Variants in LRRC37A2 observed in about 807,000 individuals in gnomAD.
LRRC37A2 encodes the protein leucine-rich repeat-containing protein 37A2.
A neutral mutation model predicts 68.8 loss-of-function variants in LRRC37A2; 9 were observed. The observed-to-expected ratio is 0.13, with a 90% CI of 0.08 to 0.23. The LOEUF is 0.23. LRRC37A2 is among the 10% of genes least tolerant of loss of function. The pLI is 1.00. For missense variants in LRRC37A2, 168 were observed against 950.4 expected (o/e 0.18, Z 10.82); for synonymous variants, 63 against 367.6 (o/e 0.17, Z 9.48).
At chr17:46,710,881 T>C in the LRRC37A2 span, 1 of 1,217,200 alleles carries the variant, frequency 8.2e-7, no homozygotes, top group Non-Finnish European at 1.1e-6. Flanking sequence ...ACCTTTAGCA[T>C]GTACGGATTA....
the LRRC37A2 span, chr17:46,979,284 C>A: frequency 7.2e-6 from 2 of 277,520 alleles, no homozygotes; most frequent in Non-Finnish European, 7.0e-6. Flanking sequence ...GTTCCTCGCG[C>A]GCCTGGCCGC....
chr17:46,742,484 A>G, the LRRC37A2 span, among the ~76,000 whole-genome samples: 1 of 152,262 alleles, frequency 6.6e-6, no homozygotes, highest in Non-Finnish European at 1.5e-5. Flanking sequence ...GTCCTGATGA[A>G]GGAGAACTAG....
chr17:46,801,862 T>C, the LRRC37A2 span, among the ~76,000 whole-genome samples: 4 of 152,174 alleles, frequency 2.6e-5, no homozygotes, highest in African/African-American at 7.2e-5. Flanking sequence ...TTCCCGATGC[T>C]GTGCCAGTTC....
the LRRC37A2 span, among the ~76,000 whole-genome samples, chr17:46,977,121 C>T: frequency 6.6e-6 from 1 of 152,146 alleles, no homozygotes; most frequent in South Asian, 2.1e-4. Flanking sequence ...TAGCCAGGGA[C>T]CATCTGTGCC....
At chr17:46,895,308 C>T in the LRRC37A2 span, among the ~76,000 whole-genome samples, 1 of 152,222 alleles carries the variant, frequency 6.6e-6, no homozygotes, top group Non-Finnish European at 1.5e-5. Context: ...TTATGAAGTG[C>T]TTCCAGTTCT....
At chr17:46,881,179 C>G in the LRRC37A2 span, among the ~76,000 whole-genome samples, 4 of 152,216 alleles carry the variant, frequency 2.6e-5, no homozygotes, top group Admixed American at 2.0e-4. Flanking sequence ...CTGCCCTGCC[C>G]CAGTTCTTCA....
At chr17:46,834,923 T>C in the LRRC37A2 span, among the ~76,000 whole-genome samples, 1 of 152,188 alleles carries the variant, frequency 6.6e-6, no homozygotes, top group Non-Finnish European at 1.5e-5. Context: ...CACCTGTCAG[T>C]GTTCCTCCCC....
chr17:46,541,871 T>C (rs1359149822), intron 8 of LRRC37A2, among the ~76,000 whole-genome samples: 1 of 150,270 alleles, frequency 6.7e-6, no homozygotes, highest in East Asian at 1.9e-4. Flanking sequence ...CAGGGGGTCC[T>C]GGAGCCAATC....
the LRRC37A2 span, among the ~76,000 whole-genome samples, chr17:46,792,272 G>A: frequency 2.3e-3 from 357 of 152,284 alleles, 1 homozygote; most frequent in African/African-American, 7.9e-3. Context: ...TGACGTCATG[G>A]AGCACCTTTT....
chr17:46,717,963 C>T, the LRRC37A2 span, among the ~76,000 whole-genome samples: 1 of 152,206 alleles, frequency 6.6e-6, no homozygotes, highest in African/African-American at 2.4e-5. Flanking sequence ...GCTGGGAGAA[C>T]ATCCATTGCC....
At chr17:46,951,896 C>A in the LRRC37A2 span, among the ~76,000 whole-genome samples, 31 of 152,134 alleles carry the variant, frequency 2.0e-4, no homozygotes, top group African/African-American at 2.4e-5. Flanking sequence ...CTTCTCCCCC[C>A]CAGACATCAC....
At chr17:46,970,777 G>T in the LRRC37A2 span, among the ~76,000 whole-genome samples, 1 of 152,232 alleles carries the variant, frequency 6.6e-6, no homozygotes, top group African/African-American at 2.4e-5. Context: ...ACAAGCCTGA[G>T]AAGGATGGCT....
the LRRC37A2 span, among the ~76,000 whole-genome samples, chr17:46,472,951 G>T: frequency 8.9e-5 from 6 of 67,354 alleles, no homozygotes. Flanking sequence ...TATTGTATAG[G>T]GATGGGAAAG....
At chr17:46,390,322 G>A in the LRRC37A2 span, among the ~76,000 whole-genome samples, 10 of 87,020 alleles carry the variant, frequency 1.1e-4, 3 homozygotes, top group African/African-American at 3.3e-4. Context: ...TGGGGGCAGT[G>A]GGGAGTGCAC....
the LRRC37A2 span, among the ~76,000 whole-genome samples, chr17:46,845,037 T>TG: frequency 2.6e-5 from 4 of 152,226 alleles, no homozygotes; most frequent in East Asian, 7.7e-4. Flanking sequence ...TTAGTAGAGA[T>TG]GGGGTTTCAC....
the LRRC37A2 span, among the ~76,000 whole-genome samples, chr17:46,767,305 G>A: frequency 5.3e-5 from 8 of 152,106 alleles, no homozygotes; most frequent in Non-Finnish European, 1.0e-4. Context: ...CCTGCTCCCC[G>A]TCATCATCCA....
At chr17:46,908,137 C>T in the LRRC37A2 span, among the ~76,000 whole-genome samples, 1 of 152,204 alleles carries the variant, frequency 6.6e-6, no homozygotes, top group Non-Finnish European at 1.5e-5. Flanking sequence ...TTTGACGCTT[C>T]ATGATAGATG....
At chr17:47,023,165 C>T in the LRRC37A2 span, among the ~76,000 whole-genome samples, 8 of 152,188 alleles carry the variant, frequency 5.3e-5, no homozygotes, top group Non-Finnish European at 7.3e-5. Context: ...TATCTTTATA[C>T]GTTTGTTGAA....
chr17:46,437,799 T>G, the LRRC37A2 span, among the ~76,000 whole-genome samples: 6 of 102,010 alleles, frequency 5.9e-5, no homozygotes, highest in African/African-American at 1.8e-4. Flanking sequence ...TACTGTAGGA[T>G]AAACCTATAA....
Sources: allele counts gnomAD v4.1 joint callset (sites outside exome capture counted in the v4.1 genomes callset), GRCh38; gene constraint gnomAD v4.1.1; transcripts MANE v1.5; gene names NCBI Gene and HGNC (gene_info 2026-07-23, HGNC 2026-07-21).